Variants in CDH18 observed in about 807,000 individuals in gnomAD.
CDH18 encodes the protein cadherin-18.
CDH18 carries 31 observed loss-of-function variants against 67.9 expected under a neutral mutation model. The observed-to-expected ratio is 0.46, with a 90% CI of 0.34 to 0.62. The LOEUF (loss-of-function observed/expected upper bound fraction) is 0.62. Among genes scored for constraint, CDH18 ranks in the 20% least tolerant of loss-of-function variants. The pLI, the probability that CDH18 is intolerant of heterozygous loss-of-function variation, is 0.01. For synonymous variants in CDH18, 362 were observed against 347.2 expected (o/e 1.04, Z -0.48); for missense variants, 890 against 975.5 (o/e 0.91, Z 1.17).
At chr5:20,053,580 C>T (rs1411518046) in intron 2 of CDH18, among the ~76,000 whole-genome samples, 2 of 152,052 alleles carry the variant, frequency 1.3e-5, no homozygotes, top group Admixed American at 1.3e-4. Context: ...TTATTTCTCA[C>T]AAACACTAAA....
At chr5:20,568,135 C>A (rs1190441454) in intron 1 of CDH18, among the ~76,000 whole-genome samples, 1 of 152,126 alleles carries the variant, frequency 6.6e-6, no homozygotes, top group Non-Finnish European at 1.5e-5. Flanking sequence ...ATAAAGACGA[C>A]AAACACAGGC....
intron 5 of CDH18, among the ~76,000 whole-genome samples, chr5:19,642,814 A>C (rs1164145785): frequency 6.6e-6 from 1 of 152,082 alleles, no homozygotes; most frequent in Non-Finnish European, 1.5e-5. Flanking sequence ...CAAAAGCAAA[A>C]TAGGTAAATA....
At chr5:20,237,587 A>C (rs1247736903) in intron 2 of CDH18, among the ~76,000 whole-genome samples, 1 of 151,944 alleles carries the variant, frequency 6.6e-6, no homozygotes, top group African/African-American at 2.4e-5. Context: ...TGAAGCATTT[A>C]AGGATAAATC....
At position 20,014,192 on chromosome 5, in the gene CDH18, A is replaced by C. The variant is rs184734458; in HGVS notation, c.-517-22178T>G. On this transcript the variant is annotated intron_variant, in intron 2 of 14. Coordinates refer to the CDH18 transcript ENST00000507958. ...TATTTAACTGCATTTGAAAATATTT[A>C]CAAGAAAAGTCTTTGTGCTAGGTAC... Among the ~76,000 whole-genome samples, 234 of 152,252 alleles carry C rather than the reference A, an allele frequency of 1.5e-3. No individual in the cohort carries two copies. The Middle Eastern group carries it at 0.034, about 22-fold the overall frequency.
intron 2 of CDH18, among the ~76,000 whole-genome samples, chr5:20,242,636 A>ATATATATATTTGTATATATATATG (rs777397342): frequency 1.7e-5 from 1 of 58,402 alleles, no homozygotes; most frequent in Admixed American, 1.9e-4. Flanking sequence ...ATATATATGT[A>ATATATATATTTGTATATATATATG]TATATATATA....
At chr5:20,056,377 C>T (rs1327370156) in intron 2 of CDH18, among the ~76,000 whole-genome samples, 2 of 145,474 alleles carry the variant, frequency 1.4e-5, no homozygotes, top group Non-Finnish European at 3.0e-5. Flanking sequence ...CAGGAATGGA[C>T]AAGCTGTTTT....
At chr5:20,175,006 C>T (rs540482743) in intron 2 of CDH18, among the ~76,000 whole-genome samples, 1 of 151,890 alleles carries the variant, frequency 6.6e-6, no homozygotes, top group Admixed American at 6.6e-5. Context: ...GAAGTCAGTA[C>T]GTTTATTTTG....
intron 2 of CDH18, among the ~76,000 whole-genome samples, chr5:20,069,255 G>A (rs144373443): frequency 2.0e-4 from 30 of 151,974 alleles, no homozygotes; most frequent in African/African-American, 7.0e-4. Flanking sequence ...TTCTATCTGG[G>A]CTGCCATTTC....
At chr5:19,711,417 A>G (rs1419777718) in intron 5 of CDH18, among the ~76,000 whole-genome samples, 1 of 151,952 alleles carries the variant, frequency 6.6e-6, no homozygotes, top group Non-Finnish European at 1.5e-5. Context: ...CAACAACAAC[A>G]ACAACAAACA....
chr5:19,838,834 G>C lies in CDH18; in HGVS notation c.153C>G (p.Pro51=). The change falls in exon 3 of 13, where the codon CCC becomes CCG. Residue 51 remains proline, a synonymous_variant. Coordinates refer to ENST00000382275, the MANE Select transcript of CDH18 (RefSeq NM_004934.5). ...IEGETEVHHR[P]KRGWVWNQFF... ...ACTGATTCCATACCCATCCCCTTTTGGGACGATGATGGACTTCGGTTTCAC... is the reference window on the plus strand; with the variant it reads ...ACTGATTCCATACCCATCCCCTTTTCGGACGATGATGGACTTCGGTTTCAC... The C allele has an allele frequency of 6.2e-7, 1 of 1,613,964 alleles. No homozygotes were observed. Among genetic ancestry groups the C allele is most frequent in the South Asian group, 1.1e-5 (1 of 91,084 alleles).
chr5:19,879,698 GA>G (rs892644753), intron 2 of CDH18, among the ~76,000 whole-genome samples: 6 of 151,890 alleles, frequency 4.0e-5, no homozygotes, highest in African/African-American at 1.4e-4. Context: ...GCTTATATAG[GA>G]AATGGGATAT....
At chr5:19,590,223 T>C (rs2150021799) in intron 7 of CDH18, among the ~76,000 whole-genome samples, 1 of 152,104 alleles carries the variant, frequency 6.6e-6, no homozygotes, top group Non-Finnish European at 1.5e-5. Context: ...TTGACCTAGG[T>C]TTGACAATTT....
intron 1 of CDH18, among the ~76,000 whole-genome samples, chr5:20,495,940 TAA>T (rs1245426370): frequency 6.6e-6 from 1 of 151,904 alleles, no homozygotes; most frequent in Non-Finnish European, 1.5e-5. Context: ...AGTCACAAAA[TAA>T]AAGTTTGTGA....
intron 5 of CDH18, among the ~76,000 whole-genome samples, chr5:19,634,391 C>T (rs1374267414): frequency 6.6e-6 from 1 of 152,050 alleles, no homozygotes; most frequent in African/African-American, 2.4e-5. Flanking sequence ...AACTCTATGG[C>T]GTTATGGAAA....
chr5:20,294,509 G>A (rs1747340994), intron 1 of CDH18, among the ~76,000 whole-genome samples: 3 of 152,144 alleles, frequency 2.0e-5, no homozygotes, highest in Non-Finnish European at 1.5e-5. Context: ...AGATGTAATG[G>A]TAAACATTGA....
intron 2 of CDH18, among the ~76,000 whole-genome samples, chr5:19,935,166 A>C (rs572014869): frequency 6.6e-6 from 1 of 151,432 alleles, no homozygotes; most frequent in African/African-American, 2.4e-5. Flanking sequence ...CTTACAGTTC[A>C]TTAGAAATAT....
At chr5:19,994,809 CTG>C (rs1329416953) in intron 2 of CDH18, among the ~76,000 whole-genome samples, 1 of 67,892 alleles carries the variant, frequency 1.5e-5, no homozygotes, top group Non-Finnish European at 2.7e-5. Flanking sequence ...ATGTGTGTCT[CTG>C]TGTGTATATA....
chr5:19,781,447 T>C (rs919953683), intron 3 of CDH18, among the ~76,000 whole-genome samples: 1 of 152,204 alleles, frequency 6.6e-6, no homozygotes, highest in Non-Finnish European at 1.5e-5. Context: ...AAAGATTAAT[T>C]ATAATCATAA....
At chr5:20,336,978 C>T (rs1739831445) in intron 1 of CDH18, among the ~76,000 whole-genome samples, 1 of 152,070 alleles carries the variant, frequency 6.6e-6, no homozygotes, top group South Asian at 2.1e-4. Flanking sequence ...TGTGCAGATG[C>T]AACACCCCTA....
Sources: allele counts gnomAD v4.1 joint callset (sites outside exome capture counted in the v4.1 genomes callset), GRCh38; gene constraint gnomAD v4.1.1; transcripts MANE v1.5; gene names NCBI Gene and HGNC (gene_info 2026-07-23, HGNC 2026-07-21).